BLNK: variants seen among roughly 807,000 people sequenced by gnomAD.
The protein encoded by BLNK is B-cell linker protein.
A neutral mutation model predicts 73.5 loss-of-function variants in BLNK; 29 were observed. That is an observed-to-expected ratio of 0.39 (90% CI 0.29 to 0.54). BLNK has a LOEUF of 0.54. Among genes scored for constraint, BLNK ranks in the 20% least tolerant of loss-of-function variants. The pLI, the probability that BLNK is intolerant of heterozygous loss-of-function variation, is 0.61. For missense variants in BLNK, 460 were observed against 562.8 expected (o/e 0.82, Z 1.85); for synonymous variants, 176 against 200.8 (o/e 0.88, Z 1.04).
At chr10:96,209,959 T>C in intron 8 of BLNK, 52 bp from the exon 9 acceptor site, 1 of 1,584,704 alleles carries the variant, frequency 6.3e-7, no homozygotes, top group South Asian at 1.1e-5. Flanking sequence ...CGGGGGCTGA[T>C]GCTCACACTG....
chr10:96,237,031 G>C (rs1842714947), intron 3 of BLNK, among the ~76,000 whole-genome samples: 1 of 152,094 alleles, frequency 6.6e-6, no homozygotes, highest in Non-Finnish European at 1.5e-5. Context: ...AGCTTGGGTT[G>C]GGCAATCCTT....
chr10:96,213,739 A>G (rs782253050), intron 8 of BLNK, among the ~76,000 whole-genome samples: 6 of 152,194 alleles, frequency 3.9e-5, no homozygotes, highest in Non-Finnish European at 7.4e-5. Flanking sequence ...TCATTTATTT[A>G]TTTGTTAAAG....
chr10:96,251,150 C>A (rs909862859), intron 1 of BLNK, among the ~76,000 whole-genome samples: 1 of 152,202 alleles, frequency 6.6e-6, no homozygotes, highest in Non-Finnish European at 1.5e-5. Context: ...CTCTGTATCT[C>A]GTTCACACAA....
chr10:96,252,260 C>T (rs1375625297), intron 1 of BLNK, among the ~76,000 whole-genome samples: 1 of 152,050 alleles, frequency 6.6e-6, no homozygotes, highest in African/African-American at 2.4e-5. Context: ...ATTATGTTGG[C>T]CAGGCTGGTC....
At position 96,216,753 on chromosome 10, in the gene BLNK, T is replaced by G. The variant is rs782236410; in HGVS notation, c.526-19A>C. 1 of 1,603,402 alleles carries G rather than the reference T, an allele frequency of 6.2e-7. No homozygotes were observed. Among genetic ancestry groups the G allele is most frequent in the Non-Finnish European group, 8.5e-7 (1 of 1,170,458 alleles). On this transcript the variant is annotated intron_variant, in intron 6 of 16. Transcript: ENST00000224337. ...AATCAGCCTAACAGAAATACAAAAC[T>G]GAATGAGAAGAATGCTGTACATTCA...
chr10:96,257,569 A>G (rs147878471), intron 1 of BLNK, among the ~76,000 whole-genome samples: 1 of 152,222 alleles, frequency 6.6e-6, no homozygotes, highest in Non-Finnish European at 1.5e-5. Flanking sequence ...TTCTGTCTTC[A>G]TCTAAAATTC....
At chr10:96,267,584 T>C (rs782117140) in intron 1 of BLNK, among the ~76,000 whole-genome samples, 6 of 152,100 alleles carry the variant, frequency 3.9e-5, no homozygotes, top group Non-Finnish European at 7.4e-5. Flanking sequence ...TTAGAAAAGG[T>C]CTCAGTGAGA....
chr10:96,190,195 C>T lies in BLNK; in HGVS notation c.*1778G>A, dbSNP rs370276751. ...ATAGTTCTGGGCCTCAGGGGGCTCA[C>T]GTCCATGTCCATCGAATCTTCCATC... is the stretch of plus-strand genomic sequence containing the variant. On this transcript the variant is annotated 3_prime_UTR_variant, in exon 17 of 17. Transcript: ENST00000224337. 1.1e-4 allele frequency: 86 copies of T among 781,346 alleles called. 1 individual carries two copies. Among genetic ancestry groups the T allele is most frequent in the African/African-American group, 7.9e-4 (47 of 59,390 alleles). The allele number at this position is 781,346 out of a possible 1,614,324, so 48.4% of individuals were successfully genotyped here.
intron 16 of BLNK, among the ~76,000 whole-genome samples, chr10:96,195,628 C>T (rs1202572050): frequency 2.0e-5 from 3 of 152,026 alleles, no homozygotes; most frequent in Non-Finnish European, 2.9e-5. Context: ...AAAAATAGAA[C>T]GTGGTTGCTA....
intron 3 of BLNK, among the ~76,000 whole-genome samples, chr10:96,239,909 G>A (rs1842829546): frequency 6.6e-6 from 1 of 152,144 alleles, no homozygotes; most frequent in Non-Finnish European, 1.5e-5. Context: ...AGTCCACTTA[G>A]GTTTCCAACA....
At chr10:96,265,837 T>G (rs1342915415) in intron 1 of BLNK, among the ~76,000 whole-genome samples, 2 of 152,214 alleles carry the variant, frequency 1.3e-5, no homozygotes, top group East Asian at 1.9e-4. Flanking sequence ...GATTCTTTGT[T>G]GTGGAGACTG....
chr10:96,238,637 C>T (rs587649050), intron 3 of BLNK, among the ~76,000 whole-genome samples: 26 of 152,250 alleles, frequency 1.7e-4, no homozygotes, highest in African/African-American at 6.3e-4. Context: ...GGAAATGCTC[C>T]TGGGATGTGA....
In BLNK at chr10:96,190,033, T is replaced by A; in HGVS notation, c.*1940A>T. ...TGGACTGCCTTCATAATTCATTGCCTCTGCTTCAACAATGTGCAGTTCATC... is the reference window on the plus strand; with the variant it reads ...TGGACTGCCTTCATAATTCATTGCCACTGCTTCAACAATGTGCAGTTCATC... On this transcript the variant is annotated 3_prime_UTR_variant, in exon 17 of 17. Coordinates refer to ENST00000224337, the MANE Select transcript of BLNK (RefSeq NM_013314.4). The A allele has an allele frequency of 1.2e-6, 1 of 809,206 alleles. No individual in the cohort carries two copies. The highest frequency in any genetic ancestry group is 1.3e-5 in the South Asian group (1 of 75,392). 50.1% of individuals were successfully genotyped at this position (809,206 alleles called of 1,614,324 possible).
At chr10:96,218,466 G>T (rs190068401) in intron 6 of BLNK, among the ~76,000 whole-genome samples, 57 of 152,238 alleles carry the variant, frequency 3.7e-4, no homozygotes, top group African/African-American at 1.3e-3. Flanking sequence ...TGAGGCAGGT[G>T]GATAGATAAG....
intron 4 of BLNK, among the ~76,000 whole-genome samples, chr10:96,230,084 G>A (rs1842437713): frequency 6.6e-6 from 1 of 152,188 alleles, no homozygotes; most frequent in South Asian, 2.1e-4. Context: ...CATTCTGGAT[G>A]AATTTGATAT....
chr10:96,223,422 C>T (rs1554901643), intron 6 of BLNK, among the ~76,000 whole-genome samples: 1 of 152,172 alleles, frequency 6.6e-6, no homozygotes, highest in Non-Finnish European at 1.5e-5. Flanking sequence ...TTGGTCTCTC[C>T]TTCTGCCTTA....
chr10:96,255,047 CAG>C (rs1359285204), intron 1 of BLNK, among the ~76,000 whole-genome samples: 3 of 152,182 alleles, frequency 2.0e-5, no homozygotes, highest in African/African-American at 7.2e-5. Flanking sequence ...GAACCACTGA[CAG>C]TGTTCTCAGG....
Position 96,235,630 on chromosome 10 carries a change from G to A in BLNK, c.164-4796C>T, listed in dbSNP as rs192231387. On this transcript the variant is annotated intron_variant, in intron 3 of 16. Transcript: ENST00000224337. ...CACACCTGGAATCATTGCCAGGAGC[G>A]GGGAAAGTTCAGAGAAAGGTGTGCC... 1.9e-4 allele frequency among the ~76,000 whole-genome samples: 29 copies of A among 152,290 alleles called. 1 individual carries two copies. Among genetic ancestry groups the A allele is most frequent in the Admixed American group, 1.3e-3 (20 of 15,298 alleles).
chr10:96,250,411 A>AGG (rs61400751), intron 1 of BLNK, among the ~76,000 whole-genome samples: 2 of 130,186 alleles, frequency 1.5e-5, no homozygotes, highest in Non-Finnish European at 1.8e-5. Context: ...ACAGAGAGAG[A>AGG]GGGGGAGAGA....
Sources: allele counts gnomAD v4.1 joint callset (sites outside exome capture counted in the v4.1 genomes callset), GRCh38; gene constraint gnomAD v4.1.1; transcripts MANE v1.5; gene names NCBI Gene and HGNC (gene_info 2026-07-23, HGNC 2026-07-21).